RUNX1: variants seen among roughly 807,000 people sequenced by gnomAD.
RUNX1 encodes RUNX family transcription factor 1.
In RUNX1, 19 loss-of-function variants were observed where a neutral mutation model predicts 42.8. The ratio of observed to expected loss-of-function variants is 0.44; its 90% CI spans 0.31 to 0.65. The LOEUF (loss-of-function observed/expected upper bound fraction) is 0.65, where lower values mean the gene tolerates loss of function less well. Ranked by LOEUF, RUNX1 falls within the 30% of genes least tolerant of loss-of-function variation. The probability of loss-of-function intolerance (pLI) is 0.07; values close to 1 mark genes in which losing one functional copy is unlikely to be tolerated. For synonymous variants in RUNX1, 271 were observed against 289.4 expected (o/e 0.94, Z 0.64); for missense variants, 528 against 672.0 (o/e 0.79, Z 2.37).
Position 34,952,127 on chromosome 21 carries a change from C to T in RUNX1, c.59-59164G>A, listed in dbSNP as rs989799797. Among the ~76,000 whole-genome samples, 4 of 152,106 alleles carry T rather than the reference C, an allele frequency of 2.6e-5. 1 individual carries two copies. Among genetic ancestry groups the T allele is most frequent in the African/African-American group, 9.7e-5 (4 of 41,400 alleles). On this transcript the variant is annotated intron_variant, in intron 2 of 8. Coordinates refer to ENST00000675419, the MANE Select transcript of RUNX1 (RefSeq NM_001754.5). ...CATTCTCAGCAAACTATCACAAGGA[C>T]AGAAAACCAAACACTACATGTTCTC...
chr21:34,850,421 G>C (rs1008661775), intron 6 of RUNX1, among the ~76,000 whole-genome samples: 2 of 152,208 alleles, frequency 1.3e-5, no homozygotes, highest in South Asian at 2.1e-4. Context: ...TGCGGGGAGA[G>C]ATCCCAGGCA....
chr21:34,890,440 C>T (rs945022224), intron 3 of RUNX1, among the ~76,000 whole-genome samples: 4 of 152,184 alleles, frequency 2.6e-5, no homozygotes, highest in African/African-American at 7.2e-5. Context: ...TGGGGACTCT[C>T]GGACCAGGCC....
chr21:35,023,956 T>G (rs2059217819), intron 2 of RUNX1, among the ~76,000 whole-genome samples: 1 of 149,536 alleles, frequency 6.7e-6, no homozygotes, highest in South Asian at 2.1e-4. Context: ...ACTATATTTA[T>G]ATAGTTTACA....
intron 2 of RUNX1, among the ~76,000 whole-genome samples, chr21:34,971,848 G>T (rs879732243): frequency 4.6e-5 from 7 of 152,176 alleles, no homozygotes; most frequent in Non-Finnish European, 1.0e-4. Context: ...AACATGTTGT[G>T]TGGTTCACCA....
At chr21:34,924,383 G>A (rs530724878) in intron 2 of RUNX1, among the ~76,000 whole-genome samples, 13 of 152,164 alleles carry the variant, frequency 8.5e-5, no homozygotes, top group Non-Finnish European at 1.5e-4. Flanking sequence ...GGTGGCACAG[G>A]GTGGCTGGTG....
rs774777218 is a variant in RUNX1, at chr21:34,880,723, A to G, written c.352-10T>C. ...CCCCTAGGGCCACCACCTAAACACC[A>G]GTCAAAGGACAAATGCAGACATCAG... On this transcript the variant is annotated splice_polypyrimidine_tract_variant and intron_variant, in intron 4 of 8. Coordinates refer to ENST00000675419, the MANE Select transcript of RUNX1 (RefSeq NM_001754.5). The G allele has an allele frequency of 6.2e-7, 1 of 1,613,898 alleles. No individual in the cohort carries two copies. The highest frequency in any genetic ancestry group is 1.3e-5 in the African/African-American group (1 of 74,920).
intron 2 of RUNX1, among the ~76,000 whole-genome samples, chr21:34,978,400 A>G (rs912020217): frequency 6.6e-6 from 1 of 152,024 alleles, no homozygotes; most frequent in African/African-American, 2.4e-5. Context: ...GTTGTTTTAC[A>G]AATAAAAAAT....
chr21:34,941,830 CTTTTTTTT>C (rs201225102), intron 2 of RUNX1, among the ~76,000 whole-genome samples: 1 of 138,554 alleles, frequency 7.2e-6, no homozygotes, highest in South Asian at 2.3e-4. Context: ...TATTTTTTTC[CTTTTTTTT>C]TTTTTTGAAG....
At chr21:35,013,669 T>C (rs1031780663) in intron 2 of RUNX1, among the ~76,000 whole-genome samples, 1 of 152,212 alleles carries the variant, frequency 6.6e-6, no homozygotes, top group Non-Finnish European at 1.5e-5. Context: ...GAAAGGGCAA[T>C]GTGTCCGTAC....
chr21:34,792,018 G>T lies in RUNX1; in HGVS notation c.*117C>A, dbSNP rs1364283135. On this transcript the variant is annotated 3_prime_UTR_variant, in exon 9 of 9. Coordinates refer to ENST00000675419, the MANE Select transcript of RUNX1 (RefSeq NM_001754.5). This position sits in a 1 kb window ranked among gnomAD's most constrained non-coding sequence, Gnocchi z 6.9. ...TGGCCGTCGGGCGCCCTCGGCCCCA[G>T]GACGGTGGCCGGGCCCAGGGCCCGG... is the stretch of plus-strand genomic sequence containing the variant. 8.0e-6 allele frequency: 5 copies of T among 627,160 alleles called. No individual in the cohort carries two copies. The highest frequency in any genetic ancestry group is 1.2e-5 in the Non-Finnish European group (5 of 404,584). The allele number at this position is 627,160 out of a possible 1,614,324, so 38.8% of individuals were successfully genotyped here.
chr21:35,044,284 T>C (rs1338194345), intron 2 of RUNX1, among the ~76,000 whole-genome samples: 2 of 152,190 alleles, frequency 1.3e-5, no homozygotes, highest in Non-Finnish European at 2.9e-5. Context: ...CCCCAACTCC[T>C]GTGTCCCTCT....
intron 3 of RUNX1, chr21:34,888,686 C>G (rs2058034609): frequency 9.6e-7 from 1 of 1,040,828 alleles, no homozygotes; most frequent in Non-Finnish European, 1.2e-6. Flanking sequence ...CCCGCTGGCT[C>G]TATGAATGAG....
chr21:34,859,323 T>C (rs759806137), intron 6 of RUNX1, 151 bp downstream of exon 6: 33 of 686,316 alleles, frequency 4.8e-5, no homozygotes, highest in East Asian at 1.8e-4. Flanking sequence ...AGCGAGAGTA[T>C]TGACAATGCA....
At chr21:34,962,336 C>T (rs2058687388) in intron 2 of RUNX1, among the ~76,000 whole-genome samples, 1 of 152,200 alleles carries the variant, frequency 6.6e-6, no homozygotes, top group African/African-American at 2.4e-5. Context: ...GGACTGAGAA[C>T]TCCACAACTA....
intron 2 of RUNX1, among the ~76,000 whole-genome samples, chr21:35,047,478 CTTCTCT>C (rs1041917114): frequency 1.3e-4 from 18 of 142,830 alleles, no homozygotes; most frequent in African/African-American, 3.1e-4. Context: ...GACTTGTTTT[CTTCTCT>C]TTCTCTTTAA....
At chr21:34,863,420 A>G (rs1435081550) in intron 5 of RUNX1, among the ~76,000 whole-genome samples, 1 of 152,226 alleles carries the variant, frequency 6.6e-6, no homozygotes, top group Non-Finnish European at 1.5e-5. Context: ...GGCCTCTGGC[A>G]GTTGAGCACT....
chr21:35,016,881 TTGTGTGTGTG>T (rs139916478), intron 2 of RUNX1, among the ~76,000 whole-genome samples: 1 of 149,236 alleles, frequency 6.7e-6, no homozygotes, highest in South Asian at 2.1e-4. Flanking sequence ...TGTGTGCACA[TTGTGTGTGTG>T]TGTGTGTGTG....
At position 34,937,945 on chromosome 21, in the gene RUNX1, T is replaced by A. The variant is rs559682030; in HGVS notation, c.59-44982A>T. On this transcript the variant is annotated intron_variant, in intron 2 of 8. Coordinates refer to ENST00000675419, the MANE Select transcript of RUNX1 (RefSeq NM_001754.5). ...AATTGGAAGTTAAATTTATCATCTCTTCTTTTACATATTTTCCCCAACATG... is the reference window on the plus strand; with the variant it reads ...AATTGGAAGTTAAATTTATCATCTCATCTTTTACATATTTTCCCCAACATG... 8.5e-5 allele frequency among the ~76,000 whole-genome samples: 13 copies of A among 152,346 alleles called. No individual in the cohort carries two copies. In the East Asian group the frequency reaches 2.5e-3, roughly 29 times the overall value.
intron 4 of RUNX1, among the ~76,000 whole-genome samples, chr21:34,881,473 A>C (rs2057904614): frequency 6.6e-6 from 1 of 152,188 alleles, no homozygotes. Flanking sequence ...TTCGTTTACT[A>C]ATTACAAAAT....
Sources: allele counts gnomAD v4.1 joint callset (sites outside exome capture counted in the v4.1 genomes callset), GRCh38; gene constraint gnomAD v4.1.1; non-coding constraint Gnocchi (gnomAD v3.1); transcripts MANE v1.5; gene names NCBI Gene and HGNC (gene_info 2026-07-23, HGNC 2026-07-21).